EXT1: variants seen among roughly 807,000 people sequenced by gnomAD.
The protein encoded by EXT1 is exostosin glycosyltransferase 1.
EXT1 carries 20 observed loss-of-function variants against 82.5 expected under a neutral mutation model. The ratio of observed to expected loss-of-function variants is 0.24; its 90% CI spans 0.17 to 0.35. The LOEUF (loss-of-function observed/expected upper bound fraction) is 0.35. Ranked by LOEUF, EXT1 falls within the 10% of genes least tolerant of loss-of-function variation. The probability of loss-of-function intolerance (pLI) is 1.00; values close to 1 mark genes in which losing one functional copy is unlikely to be tolerated. For synonymous variants in EXT1, 348 were observed against 350.8 expected, an observed-to-expected ratio of 0.99 and a Z score of 0.09; for missense variants, 757 against 936.5, an observed-to-expected ratio of 0.81 and a Z score of 2.50.
At chr8:118,057,472 A>G (rs1816811068) in intron 1 of EXT1, among the ~76,000 whole-genome samples, 1 of 152,138 alleles carries the variant, frequency 6.6e-6, no homozygotes, top group Non-Finnish European at 1.5e-5. Flanking sequence ...CCCAGGAGGG[A>G]GGCAAAGGTT....
chr8:117,928,721 T>C (rs914659311), intron 1 of EXT1, among the ~76,000 whole-genome samples: 2 of 151,748 alleles, frequency 1.3e-5, no homozygotes, highest in Middle Eastern at 3.2e-3. Flanking sequence ...ACTGGAAAAG[T>C]GTATGTGCAA....
chr8:118,077,326 C>T (rs575404052), intron 1 of EXT1, among the ~76,000 whole-genome samples: 226 of 152,326 alleles, frequency 1.5e-3, no homozygotes, highest in Non-Finnish European at 2.4e-3. Context: ...CAACTGAGAC[C>T]AACCTGATCA....
chr8:117,912,044 T>C (rs1040094953), intron 1 of EXT1, among the ~76,000 whole-genome samples: 1 of 151,810 alleles, frequency 6.6e-6, no homozygotes, highest in Non-Finnish European at 1.5e-5. Context: ...AGAGAGAGGA[T>C]AAGAGAGCTA....
chr8:118,077,805 A>C (rs777902745), intron 1 of EXT1, among the ~76,000 whole-genome samples: 1 of 152,228 alleles, frequency 6.6e-6, no homozygotes, highest in Non-Finnish European at 1.5e-5. Context: ...AATATTCTTT[A>C]TATTTTCATT....
intron 1 of EXT1, among the ~76,000 whole-genome samples, chr8:117,859,152 A>G (rs17450667): frequency 0.059 from 8,994 of 152,208 alleles, 268 homozygotes; most frequent in East Asian, 0.11. Context: ...TATGTACTGG[A>G]AAACCAGAAA....
intron 10 of EXT1, among the ~76,000 whole-genome samples, chr8:117,803,193 TTTTC>T (rs762196864): frequency 5.3e-5 from 8 of 152,246 alleles, no homozygotes; most frequent in East Asian, 1.9e-4. Flanking sequence ...TTTGTTTCTT[TTTTC>T]TTTTTCTTTT....
intron 1 of EXT1, among the ~76,000 whole-genome samples, chr8:117,957,632 C>A (rs1814615856): frequency 6.6e-6 from 1 of 152,224 alleles, no homozygotes; most frequent in African/African-American, 2.4e-5. Flanking sequence ...CCTCAAGGTT[C>A]CCCCAAGTGC....
chr8:118,044,920 T>C (rs1816598121), intron 1 of EXT1, among the ~76,000 whole-genome samples: 1 of 152,244 alleles, frequency 6.6e-6, no homozygotes, highest in African/African-American at 2.4e-5. Context: ...TGACTAGCTG[T>C]GACAGAGAAT....
intron 1 of EXT1, among the ~76,000 whole-genome samples, chr8:117,918,676 G>C (rs1446259929): frequency 6.6e-6 from 1 of 152,170 alleles, no homozygotes; most frequent in Admixed American, 6.5e-5. Flanking sequence ...TCCAGAGCGG[G>C]CGTGAGAGGC....
intron 1 of EXT1, among the ~76,000 whole-genome samples, chr8:118,109,417 GAATT>G (rs1250257070): frequency 6.6e-5 from 9 of 135,760 alleles, no homozygotes; most frequent in East Asian, 4.4e-4. Flanking sequence ...AGAAATGAAT[GAATT>G]AATAAATGAA....
At chr8:117,942,604 G>A (rs1044493235) in intron 1 of EXT1, among the ~76,000 whole-genome samples, 1 of 152,014 alleles carries the variant, frequency 6.6e-6, no homozygotes, top group Non-Finnish European at 1.5e-5. Flanking sequence ...CCAGCTACTC[G>A]GGAGGCTGAG....
intron 1 of EXT1, among the ~76,000 whole-genome samples, chr8:118,103,158 A>G (rs935139092): frequency 3.3e-5 from 5 of 152,036 alleles, no homozygotes; most frequent in Admixed American, 3.3e-4. Context: ...TGTCTCAAAA[A>G]AAAAGAAAGA....
chr8:117,809,429 G>C (rs1283831417), intron 8 of EXT1, among the ~76,000 whole-genome samples: 1 of 151,426 alleles, frequency 6.6e-6, no homozygotes, highest in Non-Finnish European at 1.5e-5. Context: ...TTGAGGTCAG[G>C]AGTTTGAGAC....
chr8:117,804,270 C>G (rs1267045133), intron 10 of EXT1, among the ~76,000 whole-genome samples: 1 of 152,114 alleles, frequency 6.6e-6, no homozygotes, highest in Non-Finnish European at 1.5e-5. Context: ...CTTCTTTCTG[C>G]CATGTGAAGA....
At chr8:117,882,414 G>A (rs1344339281) in intron 1 of EXT1, among the ~76,000 whole-genome samples, 11 of 152,188 alleles carry the variant, frequency 7.2e-5, no homozygotes, top group Admixed American at 7.2e-4. Context: ...CAAGTGGCAG[G>A]ATGGTTGATT....
At chr8:118,068,705 G>A (rs182234695) in intron 1 of EXT1, among the ~76,000 whole-genome samples, 3 of 152,130 alleles carry the variant, frequency 2.0e-5, no homozygotes, top group South Asian at 2.1e-4. Flanking sequence ...ATTTTTAGGC[G>A]GCAGAATATA....
At chr8:118,082,720 C>T (rs910172301) in intron 1 of EXT1, among the ~76,000 whole-genome samples, 2 of 152,190 alleles carry the variant, frequency 1.3e-5, no homozygotes, top group African/African-American at 4.8e-5. Flanking sequence ...GCCAAGCTAA[C>T]TATAATTATA....
At chr8:118,063,545 C>T (rs776583380) in intron 1 of EXT1, among the ~76,000 whole-genome samples, 3 of 152,228 alleles carry the variant, frequency 2.0e-5, no homozygotes, top group African/African-American at 7.2e-5. Flanking sequence ...ACTAACATAC[C>T]TGCCACATGC....
intron 1 of EXT1, among the ~76,000 whole-genome samples, chr8:117,959,357 T>A (rs1258719749): frequency 6.6e-6 from 1 of 152,356 alleles, no homozygotes; most frequent in Admixed American, 6.5e-5. Context: ...ATCACTCGCT[T>A]CTGCTTCATG....
Sources: allele counts gnomAD v4.1 joint callset (sites outside exome capture counted in the v4.1 genomes callset), GRCh38; gene constraint gnomAD v4.1.1; transcripts MANE v1.5; gene names NCBI Gene and HGNC (gene_info 2026-07-23, HGNC 2026-07-21).